Variants in FAAH2 observed in about 807,000 individuals in gnomAD.
FAAH2 encodes fatty-acid amide hydrolase 2.
FAAH2 carries 60 observed loss-of-function variants against 36.9 expected under a neutral mutation model. That is an observed-to-expected ratio of 1.63 (90% CI 1.32 to 2.02). The LOEUF (loss-of-function observed/expected upper bound fraction) is 2.02. Among genes scored for constraint, FAAH2 ranks in the 30% most tolerant of loss-of-function variants. FAAH2 has a pLI of 0.00. For missense variants in FAAH2, 689 were observed against 397.5 expected (o/e 1.73, Z -6.23); for synonymous variants, 214 against 143.8 (o/e 1.49, Z -3.49).
the FAAH2 span, among the ~76,000 whole-genome samples, chrX:57,233,373 A>G: frequency 4.5e-5 from 5 of 112,123 alleles, no homozygotes; most frequent in South Asian, 1.9e-3. Flanking sequence ...CCTTATTTAA[A>G]AAACTGTCAT....
intron 4 of FAAH2, among the ~76,000 whole-genome samples, chrX:57,335,425 C>T (rs2053521463): frequency 8.9e-6 from 1 of 112,165 alleles, no homozygotes; most frequent in African/African-American, 3.2e-5. Flanking sequence ...GAACAAATGT[C>T]TCTGCATCAT....
the FAAH2 span, among the ~76,000 whole-genome samples, chrX:57,255,657 A>G: frequency 0.014 from 1,532 of 112,263 alleles, 12 homozygotes; most frequent in Non-Finnish European, 0.022. Context: ...TCACATAAAC[A>G]GAACCAACAA....
At chrX:57,295,818 T>C (rs775100946) in intron 2 of FAAH2, among the ~76,000 whole-genome samples, 3 of 112,524 alleles carry the variant, frequency 2.7e-5, no homozygotes, top group South Asian at 3.7e-4. Flanking sequence ...TATCCCGCAC[T>C]TGGATCAGAG....
At chrX:57,469,461 G>A (rs776031248) in intron 10 of FAAH2, among the ~76,000 whole-genome samples, 41 of 111,360 alleles carry the variant, frequency 3.7e-4, no homozygotes, top group Non-Finnish European at 6.0e-4. Context: ...GATCTCTGAT[G>A]AAACACACTT....
chrX:57,385,701 C>T (rs2055002417), intron 7 of FAAH2, among the ~76,000 whole-genome samples: 1 of 111,784 alleles, frequency 8.9e-6, no homozygotes, highest in South Asian at 3.7e-4. Flanking sequence ...GTCAGGACAT[C>T]CAGGCCATCC....
the FAAH2 span, among the ~76,000 whole-genome samples, chrX:57,128,263 T>G: frequency 8.9e-6 from 1 of 111,906 alleles, no homozygotes; most frequent in African/African-American, 3.2e-5. Context: ...AGACTCTCTT[T>G]TATTTAAGAA....
At chrX:57,173,933 G>C in the FAAH2 span, among the ~76,000 whole-genome samples, 1 of 111,238 alleles carries the variant, frequency 9.0e-6, no homozygotes, top group Admixed American at 9.6e-5. Flanking sequence ...TTATCATGGA[G>C]AATTATCTTT....
chrX:57,369,623 C>T (rs1387656729), intron 5 of FAAH2, among the ~76,000 whole-genome samples: 2 of 111,278 alleles, frequency 1.8e-5, no homozygotes, highest in African/African-American at 3.3e-5. Context: ...AACTATTCTT[C>T]CAAAATGAAA....
intron 8 of FAAH2, among the ~76,000 whole-genome samples, chrX:57,444,601 G>A (rs2056634839): frequency 9.0e-6 from 1 of 111,186 alleles, no homozygotes; most frequent in Non-Finnish European, 1.9e-5. Context: ...TGCACCCTCT[G>A]TCTGACAAGC....
intron 7 of FAAH2, among the ~76,000 whole-genome samples, chrX:57,389,296 A>ATT (rs1378493994): frequency 1.0e-5 from 1 of 100,223 alleles, no homozygotes; most frequent in East Asian, 3.1e-4. Context: ...ACACACACAT[A>ATT]TATATATATA....
At chrX:57,377,732 G>T (rs1423214653) in intron 5 of FAAH2, among the ~76,000 whole-genome samples, 1 of 111,906 alleles carries the variant, frequency 8.9e-6, no homozygotes, top group Admixed American at 9.5e-5. Context: ...AATTACTTTG[G>T]GTAGTATGGC....
At chrX:57,243,037 G>A in the FAAH2 span, among the ~76,000 whole-genome samples, 1 of 111,916 alleles carries the variant, frequency 8.9e-6, no homozygotes, top group East Asian at 2.8e-4. Context: ...GCAGTATGAA[G>A]TCAATCTGGG....
chrX:57,437,845 A>T (rs2056443771), intron 8 of FAAH2, among the ~76,000 whole-genome samples: 2 of 102,993 alleles, frequency 1.9e-5, no homozygotes, highest in Non-Finnish European at 3.9e-5. Flanking sequence ...AAATATAATT[A>T]TATGTACTTT....
chrX:57,336,318 A>T (rs1162579140), intron 4 of FAAH2, among the ~76,000 whole-genome samples: 1 of 107,974 alleles, frequency 9.3e-6, no homozygotes, highest in Non-Finnish European at 1.9e-5. Context: ...CTCAAATCCT[A>T]TAAAATGGCC....
chrX:57,127,286 G>A, the FAAH2 span: 1 of 111,277 alleles, frequency 9.0e-6, no homozygotes, highest in Admixed American at 9.6e-5. Context: ...AAAAAATCCA[G>A]TATTCAGTTG....
chrX:57,153,166 C>T, the FAAH2 span, among the ~76,000 whole-genome samples: 2 of 111,999 alleles, frequency 1.8e-5, no homozygotes, highest in Admixed American at 1.9e-4. Context: ...TTTGTTTTCT[C>T]AGTTACAAGA....
At chrX:57,183,150 C>CAA in the FAAH2 span, among the ~76,000 whole-genome samples, 1 of 111,098 alleles carries the variant, frequency 9.0e-6, no homozygotes, top group African/African-American at 3.3e-5. Context: ...AGGTATACTA[C>CAA]AAACCCCCAT....
the FAAH2 span, among the ~76,000 whole-genome samples, chrX:57,128,342 G>C: frequency 9.0e-6 from 1 of 111,353 alleles, no homozygotes; most frequent in Admixed American, 9.6e-5. Flanking sequence ...AGAAGTTATT[G>C]AATCAAAAAG....
At chrX:57,444,635 G>T (rs1246975145) in intron 8 of FAAH2, among the ~76,000 whole-genome samples, 2 of 111,258 alleles carry the variant, frequency 1.8e-5, no homozygotes, top group East Asian at 5.7e-4. Flanking sequence ...CTGGTACCTC[G>T]GTTGGAAATG....
Sources: gnomAD v4.1 joint callset for allele counts (sites outside exome capture counted in the v4.1 genomes callset) on GRCh38, gnomAD v4.1.1 for gene constraint, MANE v1.5 for transcripts, NCBI Gene and HGNC (gene_info 2026-07-23, HGNC 2026-07-21) for gene names.